The following GLRX3 variants were observed in gnomAD, a reference collection of about 807,000 sequenced individuals.
GLRX3 encodes glutaredoxin 3, also known as glutaredoxin-3.
A neutral mutation model predicts 49.5 loss-of-function variants in GLRX3; 22 were observed. The ratio of observed to expected loss-of-function variants is 0.44; its 90% CI spans 0.32 to 0.63. The LOEUF (loss-of-function observed/expected upper bound fraction) is 0.63, where lower values mean the gene tolerates loss of function less well. Among genes scored for constraint, GLRX3 ranks in the 30% least tolerant of loss-of-function variants. The probability of loss-of-function intolerance (pLI) is 0.05; values close to 1 mark genes in which losing one functional copy is unlikely to be tolerated. For synonymous variants in GLRX3, 133 were observed against 140.0 expected (o/e 0.95, Z 0.35); for missense variants, 385 against 396.3 (o/e 0.97, Z 0.24).
intron 2 of GLRX3, among the ~76,000 whole-genome samples, chr10:130,146,418 T>A (rs1401285682): frequency 1.3e-5 from 2 of 152,224 alleles, no homozygotes; most frequent in Non-Finnish European, 2.9e-5. Context: ...TGGAAGCCAG[T>A]CAGTCTCTTC....
intron 8 of GLRX3, among the ~76,000 whole-genome samples, chr10:130,173,947 A>G (rs1051537549): frequency 1.3e-5 from 2 of 152,070 alleles, no homozygotes; most frequent in Non-Finnish European, 2.9e-5. Flanking sequence ...TTTTTTTTAC[A>G]TGTAGCATTT....
chr10:130,164,802 T>G (rs1444086826), intron 4 of GLRX3, among the ~76,000 whole-genome samples: 6 of 152,214 alleles, frequency 3.9e-5, no homozygotes, highest in East Asian at 1.9e-4. Context: ...AAATAAAGCT[T>G]CTTCTCAGCC....
intron 1 of GLRX3, among the ~76,000 whole-genome samples, chr10:130,138,042 G>A: frequency 6.6e-6 from 1 of 152,000 alleles, no homozygotes; most frequent in Non-Finnish European, 1.5e-5. Context: ...GGCCAGAAAT[G>A]CTTATTGATC....
intron 1 of GLRX3, among the ~76,000 whole-genome samples, chr10:130,138,420 C>T: frequency 6.6e-6 from 1 of 152,218 alleles, no homozygotes; most frequent in South Asian, 2.1e-4. Context: ...AAGTAGTACT[C>T]TGATTTTGCA....
At chr10:130,152,686 C>A (rs1286845467) in intron 2 of GLRX3, among the ~76,000 whole-genome samples, 4 of 152,098 alleles carry the variant, frequency 2.6e-5, no homozygotes, top group African/African-American at 9.7e-5. Context: ...AGTCTGATAG[C>A]CTTCCCTTTG....
chr10:130,142,865 T>G (rs911665826), intron 1 of GLRX3, among the ~76,000 whole-genome samples: 1 of 152,126 alleles, frequency 6.6e-6, no homozygotes, highest in Non-Finnish European at 1.5e-5. Flanking sequence ...ATAAGTTCCT[T>G]CTCCTCCATC....
chr10:130,136,540 G>T, intron 1 of GLRX3, 28 bp downstream of exon 1: 1 of 1,254,608 alleles, frequency 8.0e-7, no homozygotes, highest in Non-Finnish European at 1.0e-6. Flanking sequence ...CGGTAGGAGT[G>T]AGGAGCCGGA....
At chr10:130,159,825 T>C in intron 2 of GLRX3, 170 bp from the exon 3 acceptor site, 5 of 1,362,518 alleles carry the variant, frequency 3.7e-6, no homozygotes, top group Non-Finnish European at 3.8e-6. Flanking sequence ...GTGGATGACA[T>C]GCCAGCCCAG....
intron 10 of GLRX3, among the ~76,000 whole-genome samples, chr10:130,176,750 T>TTCCCTCCC (rs889175535): frequency 7.9e-6 from 1 of 125,882 alleles, no homozygotes; most frequent in African/African-American, 3.0e-5. Flanking sequence ...CCCTCCCTCC[T>TTCCCTCCC]TCCCTCCCTC....
chr10:130,148,247 C>T (rs1327754259), intron 2 of GLRX3, among the ~76,000 whole-genome samples: 1 of 151,928 alleles, frequency 6.6e-6, no homozygotes, highest in African/African-American at 2.4e-5. Flanking sequence ...ATTTCTCCAC[C>T]TTAGCCTCCC....
intron 2 of GLRX3, among the ~76,000 whole-genome samples, chr10:130,152,590 TC>T (rs1862398422): frequency 6.6e-6 from 1 of 152,172 alleles, no homozygotes; most frequent in Non-Finnish European, 1.5e-5. Flanking sequence ...GATATGAAAT[TC>T]TGGGTTGAAA....
rs376306865 is a variant in GLRX3, at chr10:130,138,311, G to A, written c.92+1799G>A. ...TGAGCTCAAGTGATTCGCCTGCCTC[G>A]GCCTTGTAAAGTATCGGGATTACAG... On this transcript the variant is annotated intron_variant, in intron 1 of 10. Transcript: ENST00000331244. 1.9e-4 allele frequency among the ~76,000 whole-genome samples: 29 copies of A among 152,090 alleles called. 1 individual carries two copies. In the East Asian group the frequency reaches 5.4e-3, roughly 29 times the overall value.
At chr10:130,172,940 C>CA (rs1358844294) in intron 8 of GLRX3, among the ~76,000 whole-genome samples, 2 of 151,726 alleles carry the variant, frequency 1.3e-5, no homozygotes, top group Non-Finnish European at 2.9e-5. Context: ...GACTCTGTCT[C>CA]AAAAAAAAGA....
At chr10:130,155,464 T>C (rs1862455204) in intron 2 of GLRX3, among the ~76,000 whole-genome samples, 1 of 152,172 alleles carries the variant, frequency 6.6e-6, no homozygotes, top group Admixed American at 6.5e-5. Context: ...TGAAATGATG[T>C]CATGGTCTGA....
At position 130,179,373 on chromosome 10, in the gene GLRX3, T is replaced by C. The variant is rs141452509; in HGVS notation, c.989T>C (p.Ile330Thr). 7.1e-5 allele frequency: 106 copies of C among 1,482,930 alleles called. No individual in the cohort carries two copies. Among genetic ancestry groups the C allele is most frequent in the Non-Finnish European group, 9.6e-5 (103 of 1,076,902 alleles). 91.9% of individuals were successfully genotyped at this position (1,482,930 alleles called of 1,614,324 possible). Reference protein sequence around the residue: ...ELKENGELLPILRGEN With the variant: ...ELKENGELLPTLRGEN ...AAAGAAAATGGTGAATTGCTGCCTA[T>C]ACTGAGAGGAGAAAATTAATAAATC... Residue 330 changes from isoleucine (I) to threonine (T), a missense_variant, in exon 11 of 11, where the codon ATA (isoleucine) becomes ACA (threonine). This residue lies in a region of GLRX3 where 11 missense variants were observed against 37.6 expected (regional missense o/e 0.29). Coordinates refer to ENST00000331244, the MANE Select transcript of GLRX3 (RefSeq NM_006541.5).
rs554232857 is a variant in GLRX3 at position 130,164,809 on chromosome 10, A to C, written c.479-1698A>C. 8.3e-4 allele frequency among the ~76,000 whole-genome samples: 127 copies of C among 152,364 alleles called. 2 individuals are homozygous for C. In the South Asian group the frequency reaches 0.012, roughly 15 times the overall value. ...TAAAGCTAAAATAAAGCTTCTTCTC[A>C]GCCAGTTACAGTAAAAATGAGTTAA... On this transcript the variant is annotated intron_variant, in intron 4 of 10. Coordinates refer to ENST00000331244, the MANE Select transcript of GLRX3 (RefSeq NM_006541.5).
Position 130,169,480 on chromosome 10 carries a change from GA to G in GLRX3, c.764del (p.Asn255ThrfsTer17). Reference protein sequence around the residue: ...NKASVMLFMKGNKQEAKCGFS... With the variant: ...NKASVMLFMKXNKQEAKCGFS... ...GCTTCTGTGATGCTCTTTATGAAAG[GA>G]AACAAACAGGTAAAGAACTCAAAAA... On this transcript the variant is annotated frameshift_variant, in exon 7 of 11. Transcript: ENST00000331244. LOFTEE classifies it high-confidence loss of function. 1 of 1,604,894 alleles carries G rather than the reference GA, an allele frequency of 6.2e-7. No homozygotes were observed.
intron 2 of GLRX3, among the ~76,000 whole-genome samples, chr10:130,153,773 G>A (rs1328800382): frequency 6.6e-6 from 1 of 152,138 alleles, no homozygotes; most frequent in East Asian, 1.9e-4. Context: ...CACTTGAGGA[G>A]GCAGTTTGTC....
intron 2 of GLRX3, among the ~76,000 whole-genome samples, chr10:130,148,821 G>T (rs1862317001): frequency 6.6e-6 from 1 of 152,068 alleles, no homozygotes; most frequent in African/African-American, 2.4e-5. Context: ...CCAGCACTTT[G>T]GGAGGTGTGA....
Sources: gnomAD v4.1 joint callset for allele counts (sites outside exome capture counted in the v4.1 genomes callset) on GRCh38, gnomAD v4.1.1 for gene constraint, gnomAD v4.1.1 regional missense constraint, MANE v1.5 for transcripts, NCBI Gene and HGNC (gene_info 2026-07-23, HGNC 2026-07-21) for gene names.